Variants in NUBPL observed in about 807,000 individuals in gnomAD.
The protein encoded by NUBPL is iron-sulfur cluster transfer protein NUBPL.
In NUBPL, 31 loss-of-function variants were observed where a neutral mutation model predicts 45.7. That is an observed-to-expected ratio of 0.68 (90% CI 0.51 to 0.92). The LOEUF (loss-of-function observed/expected upper bound fraction) is 0.92. NUBPL is among the 40% of genes least tolerant of loss of function. NUBPL has a pLI of 0.00. For synonymous variants in NUBPL, 144 were observed against 140.9 expected (o/e 1.02, Z -0.15); for missense variants, 401 against 398.7 (o/e 1.01, Z -0.05).
chr14:31,775,084 G>A (rs2039075753), intron 6 of NUBPL, among the ~76,000 whole-genome samples: 1 of 152,130 alleles, frequency 6.6e-6, no homozygotes, highest in Admixed American at 6.5e-5. Flanking sequence ...TCTCAATATT[G>A]AATGGCTTTG....
intron 3 of NUBPL, among the ~76,000 whole-genome samples, chr14:31,581,850 CTTGAGA>C (rs2033872013): frequency 6.6e-6 from 1 of 152,018 alleles, no homozygotes; most frequent in Non-Finnish European, 1.5e-5. Context: ...TAAGAGTAGA[CTTGAGA>C]AAGTGGCCTT....
chr14:31,786,807 G>A (rs1423160597), intron 6 of NUBPL, among the ~76,000 whole-genome samples: 2 of 152,216 alleles, frequency 1.3e-5, no homozygotes, highest in Non-Finnish European at 1.5e-5. Flanking sequence ...AACAGGCAGA[G>A]TGTTCTGGAG....
At chr14:31,807,790 A>G (rs2039718737) in intron 7 of NUBPL, among the ~76,000 whole-genome samples, 3 of 152,048 alleles carry the variant, frequency 2.0e-5, no homozygotes, top group Non-Finnish European at 2.9e-5. Context: ...ATCTTGAATT[A>G]ATTTTTGTAT....
chr14:31,764,672 A>G (rs1007242779), intron 6 of NUBPL, among the ~76,000 whole-genome samples: 9 of 152,196 alleles, frequency 5.9e-5, no homozygotes, highest in Non-Finnish European at 1.0e-4. Context: ...ATAATGACCA[A>G]TGTACTTAAA....
chr14:31,631,295 G>A (rs1439230832), intron 4 of NUBPL, among the ~76,000 whole-genome samples: 9 of 152,002 alleles, frequency 5.9e-5, no homozygotes, highest in Admixed American at 5.9e-4. Context: ...CTCTTTTATG[G>A]CCAGGAGCAA....
intron 7 of NUBPL, among the ~76,000 whole-genome samples, chr14:31,821,401 A>G (rs914131137): frequency 2.6e-5 from 4 of 152,242 alleles, no homozygotes; most frequent in African/African-American, 9.6e-5. Flanking sequence ...ATTTGTGAAA[A>G]GAAGTCATAC....
intron 3 of NUBPL, among the ~76,000 whole-genome samples, chr14:31,594,981 A>G (rs957874092): frequency 2.0e-5 from 3 of 152,120 alleles, no homozygotes; most frequent in Admixed American, 2.0e-4. Context: ...TGTTGTTTTG[A>G]TGGGTTCTAT....
chr14:31,717,562 A>G (rs2037717177), intron 6 of NUBPL, among the ~76,000 whole-genome samples: 1 of 152,158 alleles, frequency 6.6e-6, no homozygotes, highest in Admixed American at 6.5e-5. Context: ...GTGACATTTC[A>G]GACAGTTTTT....
At chr14:31,654,982 C>A (rs1211391173) in intron 4 of NUBPL, among the ~76,000 whole-genome samples, 1 of 152,146 alleles carries the variant, frequency 6.6e-6, no homozygotes, top group African/African-American at 2.4e-5. Context: ...CTTTGCTTAT[C>A]ATAAAAAGCA....
At chr14:31,848,135 T>G (rs1212096985) in intron 9 of NUBPL, among the ~76,000 whole-genome samples, 2 of 152,196 alleles carry the variant, frequency 1.3e-5, no homozygotes, top group Non-Finnish European at 2.9e-5. Context: ...ACCCTAAAAA[T>G]GTATCAAAAA....
intron 6 of NUBPL, among the ~76,000 whole-genome samples, chr14:31,784,757 CATT>C (rs1252897567): frequency 6.6e-6 from 1 of 151,992 alleles, no homozygotes; most frequent in Non-Finnish European, 1.5e-5. Flanking sequence ...TAAAGTATGT[CATT>C]ATGTCAATAT....
At chr14:31,679,993 T>A (rs2036792249) in intron 6 of NUBPL, among the ~76,000 whole-genome samples, 1 of 152,194 alleles carries the variant, frequency 6.6e-6, no homozygotes, top group Non-Finnish European at 1.5e-5. Flanking sequence ...TTTTTGATCA[T>A]CTTGTAAATT....
intron 6 of NUBPL, among the ~76,000 whole-genome samples, chr14:31,698,248 G>A (rs560906259): frequency 5.3e-5 from 8 of 152,080 alleles, no homozygotes; most frequent in Admixed American, 5.2e-4. Context: ...TTTTAGATAT[G>A]ACGAGATATA....
chr14:31,704,471 C>G (rs923202623), intron 6 of NUBPL, among the ~76,000 whole-genome samples: 4 of 152,056 alleles, frequency 2.6e-5, no homozygotes, highest in African/African-American at 9.7e-5. Flanking sequence ...TGAGACCAGC[C>G]TGAGCAACAT....
Position 31,803,444 on chromosome 14 carries a change from T to C in NUBPL, c.607+15571T>C, listed in dbSNP as rs541556232. Among the ~76,000 whole-genome samples, 15 of 143,736 alleles carry C rather than the reference T, an allele frequency of 1.0e-4. No individual in the cohort carries two copies. The East Asian group carries it at 3.2e-3, about 31-fold the overall frequency. 94.3% of individuals were successfully genotyped at this position (143,736 alleles called of 152,430 possible). A position where few individuals can be genotyped will look rare whatever the true frequency, so the allele number is the denominator to read the frequency against. On this transcript the variant is annotated intron_variant, in intron 7 of 10. Transcript: ENST00000281081. ...TAGTGCTGTGTTTCCCCTAAAACTT[T>C]GTAATTTATAATGACCTCAAAATGT...
chr14:31,785,618 C>T (rs2039269968), intron 6 of NUBPL, among the ~76,000 whole-genome samples: 1 of 152,182 alleles, frequency 6.6e-6, no homozygotes, highest in Non-Finnish European at 1.5e-5. Context: ...CTGTAGTTTT[C>T]TTCACAGCAC....
At chr14:31,778,459 C>T (rs12436891) in intron 6 of NUBPL, among the ~76,000 whole-genome samples, 52,580 of 152,134 alleles carry the variant, frequency 0.35, 9,721 homozygotes, top group South Asian at 0.43. Flanking sequence ...AAATGCCACT[C>T]GGGTCTTTGT....
chr14:31,774,096 C>T (rs532271443), intron 6 of NUBPL, among the ~76,000 whole-genome samples: 20 of 152,290 alleles, frequency 1.3e-4, no homozygotes, highest in African/African-American at 4.6e-4. Context: ...TCTTGGCCAC[C>T]ACTTTGACTC....
intron 6 of NUBPL, among the ~76,000 whole-genome samples, chr14:31,730,190 G>A (rs1441772482): frequency 6.6e-6 from 1 of 152,140 alleles, no homozygotes; most frequent in Non-Finnish European, 1.5e-5. Context: ...AGAACCCATA[G>A]GAATAAGCAT....
Sources: gnomAD v4.1 joint callset for allele counts (sites outside exome capture counted in the v4.1 genomes callset) on GRCh38, gnomAD v4.1.1 for gene constraint, MANE v1.5 for transcripts, NCBI Gene and HGNC (gene_info 2026-07-23, HGNC 2026-07-21) for gene names.